Variants in LRRTM4 observed in about 807,000 individuals in gnomAD.
The protein encoded by LRRTM4 is leucine-rich repeat transmembrane neuronal protein 4.
A neutral mutation model predicts 47.6 loss-of-function variants in LRRTM4; 25 were observed. The observed-to-expected ratio is 0.53, with a 90% confidence interval of 0.38 to 0.73. LRRTM4 has a LOEUF of 0.73. LRRTM4 is among the 30% of genes least tolerant of loss of function. The probability of loss-of-function intolerance (pLI) is 0.00; values close to 1 mark genes in which losing one functional copy is unlikely to be tolerated. For synonymous variants in LRRTM4, 311 were observed against 269.5 expected (o/e 1.15, Z -1.51); for missense variants, 638 against 713.4 (o/e 0.89, Z 1.20).
intron 3 of LRRTM4, among the ~76,000 whole-genome samples, chr2:77,510,253 G>A (rs1367898645): frequency 6.6e-6 from 1 of 152,012 alleles, no homozygotes; most frequent in Non-Finnish European, 1.5e-5. Flanking sequence ...AAGGAAACAA[G>A]AAATCAACTT....
intron 3 of LRRTM4, among the ~76,000 whole-genome samples, chr2:77,163,154 C>G (rs1019279225): frequency 6.6e-6 from 1 of 152,114 alleles, no homozygotes; most frequent in African/African-American, 2.4e-5. Context: ...GAGCTGAAAA[C>G]CATGGCACGA....
At chr2:77,226,687 G>T (rs1303450195) in intron 3 of LRRTM4, among the ~76,000 whole-genome samples, 1 of 151,900 alleles carries the variant, frequency 6.6e-6, no homozygotes, top group Non-Finnish European at 1.5e-5. Flanking sequence ...TAAGTGAAAC[G>T]TTTGTTTTCA....
rs866375608 is a variant in LRRTM4, at chr2:77,033,995, T to C, written c.1552-285079A>G. Reference sequence around the variant, plus strand: ...CAATCAAGATTTCAAGATTTTTTAATATAAAAGTATGCTTAGTATACCTTT... The same window carrying C: ...CAATCAAGATTTCAAGATTTTTTAACATAAAAGTATGCTTAGTATACCTTT... On this transcript the variant is annotated intron_variant, in intron 3 of 3. Transcript: ENST00000409884. Among the ~76,000 whole-genome samples, 125 of 151,946 alleles carry C rather than the reference T, an allele frequency of 8.2e-4. 1 individual carries two copies. Among genetic ancestry groups the C allele is most frequent in the African/African-American group, 2.9e-3 (119 of 41,528 alleles).
At chr2:77,049,157 T>TATATATACACACAC (rs1351971551) in intron 3 of LRRTM4, among the ~76,000 whole-genome samples, 1 of 106,350 alleles carries the variant, frequency 9.4e-6, no homozygotes, top group African/African-American at 5.0e-5. Flanking sequence ...TATATATATA[T>TATATATACACACAC]ACACACACAC....
At chr2:77,347,614 G>A (rs528635944) in intron 3 of LRRTM4, among the ~76,000 whole-genome samples, 26 of 152,012 alleles carry the variant, frequency 1.7e-4, no homozygotes, top group African/African-American at 4.3e-4. Flanking sequence ...TGGATATACA[G>A]TTTTATAAAA....
chr2:77,044,836 G>C (rs1679180635), intron 3 of LRRTM4, among the ~76,000 whole-genome samples: 1 of 151,604 alleles, frequency 6.6e-6, no homozygotes, highest in African/African-American at 2.4e-5. Context: ...TATGCATGTA[G>C]GTGGCACAAA....
chr2:76,898,169 A>G (rs553276026), intron 3 of LRRTM4, among the ~76,000 whole-genome samples: 6 of 151,732 alleles, frequency 4.0e-5, no homozygotes, highest in Admixed American at 1.3e-4. Flanking sequence ...GTATGAAAAT[A>G]AAATACATGC....
chr2:77,299,696 C>CT (rs1333870062), intron 3 of LRRTM4, among the ~76,000 whole-genome samples: 3 of 152,026 alleles, frequency 2.0e-5, no homozygotes, highest in Non-Finnish European at 2.9e-5. Flanking sequence ...CACTGACACT[C>CT]TAAGAAGAGG....
At chr2:77,163,431 A>C (rs1229173897) in intron 3 of LRRTM4, among the ~76,000 whole-genome samples, 1 of 152,194 alleles carries the variant, frequency 6.6e-6, no homozygotes, top group Non-Finnish European at 1.5e-5. Flanking sequence ...TAACTTCCCA[A>C]CCTAACAAGG....
At chr2:77,478,386 A>G (rs1234202448) in intron 3 of LRRTM4, among the ~76,000 whole-genome samples, 8 of 152,216 alleles carry the variant, frequency 5.3e-5, no homozygotes, top group African/African-American at 1.9e-4. Context: ...GCCATAATTG[A>G]TATCAACTTC....
intron 3 of LRRTM4, among the ~76,000 whole-genome samples, chr2:77,260,244 A>C (rs1291040313): frequency 6.6e-6 from 1 of 152,106 alleles, no homozygotes; most frequent in Non-Finnish European, 1.5e-5. Flanking sequence ...AAAATTTCTT[A>C]GAAGAGGTTG....
At chr2:77,445,430 A>C (rs1325445822) in intron 3 of LRRTM4, among the ~76,000 whole-genome samples, 2 of 151,708 alleles carry the variant, frequency 1.3e-5, no homozygotes, top group African/African-American at 2.4e-5. Flanking sequence ...TTGTACACCA[A>C]ATGCCCAGCA....
At chr2:77,266,908 T>C (rs1676065520) in intron 3 of LRRTM4, among the ~76,000 whole-genome samples, 1 of 152,088 alleles carries the variant, frequency 6.6e-6, no homozygotes, top group Non-Finnish European at 1.5e-5. Flanking sequence ...AATAAAAGGT[T>C]GTTAAATAAT....
intron 3 of LRRTM4, among the ~76,000 whole-genome samples, chr2:76,904,108 G>A (rs1476579735): frequency 6.6e-6 from 1 of 152,194 alleles, no homozygotes; most frequent in East Asian, 1.9e-4. Flanking sequence ...AAATGGAGGA[G>A]AGAAGTTACT....
At chr2:76,885,008 A>G (rs750262955) in intron 3 of LRRTM4, among the ~76,000 whole-genome samples, 5 of 152,080 alleles carry the variant, frequency 3.3e-5, no homozygotes, top group Non-Finnish European at 7.4e-5. Flanking sequence ...AAGTATATGT[A>G]TGGTATAATC....
intron 3 of LRRTM4, among the ~76,000 whole-genome samples, chr2:77,167,946 A>C (rs1296637960): frequency 6.6e-6 from 1 of 152,168 alleles, no homozygotes; most frequent in Non-Finnish European, 1.5e-5. Flanking sequence ...AACTTAAAGT[A>C]TAATGATAAT....
intron 3 of LRRTM4, among the ~76,000 whole-genome samples, chr2:77,003,811 G>A (rs1194866253): frequency 1.3e-5 from 2 of 152,152 alleles, no homozygotes; most frequent in South Asian, 2.1e-4. Context: ...GGGCTCAGAA[G>A]ACAGAAACAT....
chr2:76,774,809 C>A (rs13405269), intron 3 of LRRTM4, among the ~76,000 whole-genome samples: 2,242 of 152,302 alleles, frequency 0.015, 64 homozygotes, highest in African/African-American at 0.052. Flanking sequence ...ATTTTTGCCA[C>A]TGTTTGCGTA....
chr2:77,015,777 G>C (rs1042918774), intron 3 of LRRTM4, among the ~76,000 whole-genome samples: 8 of 152,142 alleles, frequency 5.3e-5, no homozygotes, highest in African/African-American at 1.9e-4. Context: ...GAAATACTGA[G>C]GACTTGCCGC....
Sources: gnomAD v4.1 joint callset for allele counts (sites outside exome capture counted in the v4.1 genomes callset) on GRCh38, gnomAD v4.1.1 for gene constraint, MANE v1.5 for transcripts, NCBI Gene and HGNC (gene_info 2026-07-23, HGNC 2026-07-21) for gene names.